Variants in ATPAF2 observed in about 807,000 individuals in gnomAD.
ATPAF2 encodes ATP synthase mitochondrial F1 complex assembly factor 2.
ATPAF2 carries 30 observed loss-of-function variants against 36.6 expected under a neutral mutation model. The observed-to-expected ratio is 0.82, with a 90% confidence interval of 0.61 to 1.11. The LOEUF (loss-of-function observed/expected upper bound fraction) is 1.11. Ranked by LOEUF, ATPAF2 falls within the 50% of genes most tolerant of loss-of-function variation. The pLI is 0.00. For missense variants in ATPAF2, 321 were observed against 372.3 expected (o/e 0.86, Z 1.13); for synonymous variants, 140 against 152.6 (o/e 0.92, Z 0.61).
Position 18,018,587 on chromosome 17 carries a change from C to T in ATPAF2, c.832G>A (p.Glu278Lys), listed in dbSNP as rs775851505. The T allele has an allele frequency of 1.7e-5, 27 of 1,613,792 alleles. No individual in the cohort carries two copies. The highest frequency in any genetic ancestry group is 2.7e-5 in the African/African-American group (2 of 74,926). ...AGCTTGTGCTTGACTGTGGTGCTCT[C>T]GGAGCAGAGATGGATGAAGAGGGTG... ...AGTLFIHLCSESTTVKHKLLK... is the reference protein window; with the variant it reads ...AGTLFIHLCSKSTTVKHKLLK... Residue 278 changes from glutamate to lysine, a missense_variant, in exon 8 of 8, where the codon GAG (glutamate) becomes AAG (lysine). By Grantham distance (56) the Glu-to-Lys change is moderately conservative (BLOSUM62 1). This residue lies in a region of ATPAF2 where 199 missense variants were observed against 220.6 expected (regional missense o/e 0.90). Transcript: ENST00000474627.
intron 1 of ATPAF2, among the ~76,000 whole-genome samples, chr17:18,037,356 G>A (rs1235643955): frequency 2.6e-5 from 4 of 152,190 alleles, no homozygotes; most frequent in African/African-American, 7.2e-5. Context: ...TTGGGAGGCC[G>A]AGGTGGGCGG....
Position 18,021,164 on chromosome 17 carries a change from C to T in ATPAF2, c.691G>A (p.Glu231Lys), listed in dbSNP as rs767283598. The change falls in exon 7 of 8, where the codon GAG becomes AAG. Residue 231 changes from glutamate to lysine, a missense_variant. By Grantham distance (56) the Glu-to-Lys change is moderately conservative (BLOSUM62 1). Around this residue, in one of 3 missense-constraint regions of ATPAF2, gnomAD observed 199 missense variants for 220.6 expected, o/e 0.90. Coordinates refer to ENST00000474627, the MANE Select transcript of ATPAF2 (RefSeq NM_145691.4). ...LGLIDLRLTV[E>K]QAVLLSRLEE... Reference sequence around the variant, plus strand: ...AGGCGTGACAGCAGCACGGCCTGCTCCACTGTCAGGCGCAGGTCAATCAGG... The same window carrying T: ...AGGCGTGACAGCAGCACGGCCTGCTTCACTGTCAGGCGCAGGTCAATCAGG... The T allele has an allele frequency of 2.5e-6, 4 of 1,613,996 alleles. No individual in the cohort carries two copies. The highest frequency in any genetic ancestry group is 3.4e-6 in the Non-Finnish European group (4 of 1,180,010).
chr17:18,018,862 A>G, intron 7 of ATPAF2, among the ~76,000 whole-genome samples, 176 bp from the exon 8 acceptor site: 1 of 152,148 alleles, frequency 6.6e-6, no homozygotes, highest in East Asian at 1.9e-4. Context: ...TACGCCAGAC[A>G]CGGTGGCTCA....
rs2044416336 is a variant in ATPAF2, at chr17:18,018,462, G to C, written c.*87C>G. ...GGCCGAGTCCCCAAAAGCCAAGGAAGCCAGCCCCACAGGCTGGGGAGCCCT... is the reference window on the plus strand; with the variant it reads ...GGCCGAGTCCCCAAAAGCCAAGGAACCCAGCCCCACAGGCTGGGGAGCCCT... On this transcript the variant is annotated 3_prime_UTR_variant, in exon 8 of 8. Coordinates refer to ENST00000474627, the MANE Select transcript of ATPAF2 (RefSeq NM_145691.4). The C allele has an allele frequency of 6.3e-7, 1 of 1,584,652 alleles. No homozygotes were observed.
rs1465952954 is a variant in ATPAF2, at chr17:18,038,916, A to T, written c.98T>A (p.Ile33Asn). The T allele has an allele frequency of 6.2e-7, 1 of 1,613,982 alleles. No individual in the cohort carries two copies. Among genetic ancestry groups the T allele is most frequent in the Admixed American group, 1.7e-5 (1 of 60,024 alleles). ...GGCGTAAGCCCGGGCTGGAGACGGGATGGTTGGCCCCGGACTCATAGAAGC... is the reference window on the plus strand; with the variant it reads ...GGCGTAAGCCCGGGCTGGAGACGGGTTGGTTGGCCCCGGACTCATAGAAGC... ...PSASMSPGPT[I>N]PSPARAYAPP... The change falls in exon 1 of 8, where the codon ATC (isoleucine) becomes AAC (asparagine). Residue 33 changes from isoleucine to asparagine, a missense_variant. Physicochemically the swap from Ile to Asn is moderately radical, Grantham distance 149. Transcript: ENST00000474627.
chr17:18,015,867 C>T, downstream of ATPAF2: 1 of 593,500 alleles, frequency 1.7e-6, no homozygotes, highest in Non-Finnish European at 3.0e-6. Context: ...AACACCTGCC[C>T]TGTGCAGTTG....
chr17:18,036,226 A>G (rs911355240), intron 1 of ATPAF2, among the ~76,000 whole-genome samples: 8 of 152,132 alleles, frequency 5.3e-5, no homozygotes, highest in South Asian at 2.1e-4. Context: ...TTAATCTTCT[A>G]CTACTTCAAA....
At chr17:18,031,640 C>T (rs1189376935) in intron 1 of ATPAF2, among the ~76,000 whole-genome samples, 4 of 151,944 alleles carry the variant, frequency 2.6e-5, no homozygotes, top group East Asian at 1.9e-4. Context: ...ATTAGCCGGG[C>T]GTGGTGGCGG....
At chr17:18,020,539 G>A (rs1254708941) in intron 7 of ATPAF2, among the ~76,000 whole-genome samples, 1 of 152,222 alleles carries the variant, frequency 6.6e-6, no homozygotes, top group African/African-American at 2.4e-5. Context: ...GTGCAACCTT[G>A]CACCTCCATT....
chr17:18,030,505 C>T (rs34719808), intron 1 of ATPAF2, among the ~76,000 whole-genome samples: 1 of 122,432 alleles, frequency 8.2e-6, no homozygotes, highest in African/African-American at 3.3e-5. Flanking sequence ...AAGACCCTGT[C>T]TCTTGGGGAA....
chr17:18,028,756 T>C (rs1597673074), intron 1 of ATPAF2, 97 bp from the exon 2 acceptor site: 1 of 1,122,808 alleles, frequency 8.9e-7, no homozygotes, highest in East Asian at 2.3e-5. Context: ...TAATGTTGAT[T>C]GATTGGCTTG....
chr17:18,023,018 C>T (rs1285782245), intron 5 of ATPAF2, among the ~76,000 whole-genome samples: 1 of 150,762 alleles, frequency 6.6e-6, no homozygotes, highest in East Asian at 2.0e-4. Flanking sequence ...GTCCCAGCTA[C>T]TTGGGAGGCT....
chr17:18,034,701 A>G (rs2145521208), intron 1 of ATPAF2, among the ~76,000 whole-genome samples: 1 of 152,328 alleles, frequency 6.6e-6, no homozygotes, highest in South Asian at 2.1e-4. Context: ...CAGAGTTACC[A>G]TTTGACCCAG....
intron 1 of ATPAF2, among the ~76,000 whole-genome samples, chr17:18,036,158 T>A (rs1346467585): frequency 6.6e-6 from 1 of 152,190 alleles, no homozygotes; most frequent in South Asian, 2.1e-4. Context: ...CATTCCTAAG[T>A]GGCCAAGTTC....
chr17:18,020,023 A>G (rs1238389271), intron 7 of ATPAF2, among the ~76,000 whole-genome samples: 2 of 152,200 alleles, frequency 1.3e-5, no homozygotes, highest in Non-Finnish European at 2.9e-5. Context: ...CTCCTTTGTT[A>G]TACAAAAATA....
chr17:18,022,781 A>C (rs1328201430), intron 5 of ATPAF2, among the ~76,000 whole-genome samples: 1 of 151,976 alleles, frequency 6.6e-6, no homozygotes, highest in African/African-American at 2.4e-5. Flanking sequence ...GATAAAAATA[A>C]TTTTTGTAAT....
downstream of ATPAF2, among the ~76,000 whole-genome samples, chr17:18,017,812 G>A (rs144597684): frequency 8.3e-3 from 1,265 of 152,284 alleles, 23 homozygotes; most frequent in African/African-American, 0.028. Context: ...AGAAAGTAGC[G>A]CCTGCCTCCT....
intron 1 of ATPAF2, 107 bp downstream of exon 1, chr17:18,038,774 T>G: frequency 6.6e-7 from 1 of 1,520,748 alleles, no homozygotes; most frequent in Non-Finnish European, 9.1e-7. Flanking sequence ...CTGCATAACC[T>G]CATGAGCCTG....
At position 18,026,347 on chromosome 17, in the gene ATPAF2, C is replaced by A; in HGVS notation, c.394G>T (p.Val132Leu). The A allele has an allele frequency of 1.2e-6, 2 of 1,614,168 alleles. No individual in the cohort carries two copies. The highest frequency in any genetic ancestry group is 2.7e-5 in the African/African-American group (2 of 75,042). The change falls in exon 4 of 8, where the codon GTG (valine) becomes TTG (leucine). Residue 132 changes from valine to leucine, a missense_variant. Coordinates refer to ENST00000474627, the MANE Select transcript of ATPAF2 (RefSeq NM_145691.4). Reference protein sequence around the residue: ...RNKDQLIRAAVKFLDTDTICY... With the variant: ...RNKDQLIRAALKFLDTDTICY... ...ATGGTGTCGGTGTCCAGAAACTTCA[C>A]GGCTGCCCGGATCAGCTGATCCTTG...
Sources: allele counts gnomAD v4.1 joint callset (sites outside exome capture counted in the v4.1 genomes callset), GRCh38; gene constraint gnomAD v4.1.1; regional missense constraint gnomAD v4.1.1; transcripts MANE v1.5; gene names NCBI Gene and HGNC (gene_info 2026-07-23, HGNC 2026-07-21).